Variants in RBKS observed in about 807,000 individuals in gnomAD.
RBKS encodes ribokinase.
In RBKS, 33 loss-of-function variants were observed where a neutral mutation model predicts 33.9. That is an observed-to-expected ratio of 0.97 (90% CI 0.74 to 1.30). RBKS has a LOEUF of 1.30. Ranked by LOEUF, RBKS falls within the 50% of genes most tolerant of loss-of-function variation. The pLI is 0.00. For synonymous variants in RBKS, 125 were observed against 143.0 expected (o/e 0.87, Z 0.90); for missense variants, 361 against 392.6 (o/e 0.92, Z 0.68).
intron 1 of RBKS, among the ~76,000 whole-genome samples, chr2:27,874,191 A>G (rs1664269046): frequency 6.6e-6 from 1 of 152,250 alleles, no homozygotes; most frequent in African/African-American, 2.4e-5. Flanking sequence ...AGTGATTAAA[A>G]TTGTATTCAA....
At chr2:27,808,699 G>A (rs1677936355) in intron 7 of RBKS, among the ~76,000 whole-genome samples, 1 of 152,228 alleles carries the variant, frequency 6.6e-6, no homozygotes, top group Non-Finnish European at 1.5e-5. Context: ...CTCTGGGCTG[G>A]CTGGTCAGAC....
intron 7 of RBKS, among the ~76,000 whole-genome samples, chr2:27,789,951 A>ATATATATATATATATATATG (rs1558533092): frequency 7.2e-5 from 8 of 111,400 alleles, no homozygotes; most frequent in Non-Finnish European, 1.3e-4. Context: ...GTATATGTGT[A>ATATATATATATATATATATG]TATATATATA....
intron 7 of RBKS, among the ~76,000 whole-genome samples, chr2:27,817,752 G>C (rs924622633): frequency 6.6e-6 from 1 of 152,144 alleles, no homozygotes; most frequent in African/African-American, 2.4e-5. Flanking sequence ...ATAGACGCCT[G>C]TATCATGACA....
At chr2:27,835,500 C>T (rs1573054923) in intron 5 of RBKS, among the ~76,000 whole-genome samples, 1 of 136,262 alleles carries the variant, frequency 7.3e-6, no homozygotes. Context: ...CTCACTGCAA[C>T]CTCCACCTCC....
chr2:27,864,267 C>T (rs1664044564), intron 1 of RBKS, among the ~76,000 whole-genome samples: 1 of 152,226 alleles, frequency 6.6e-6, no homozygotes, highest in East Asian at 1.9e-4. Flanking sequence ...AAGCAATCCT[C>T]CCACCTTGGC....
At chr2:27,792,503 C>T (rs1677554815) in intron 7 of RBKS, among the ~76,000 whole-genome samples, 2 of 152,208 alleles carry the variant, frequency 1.3e-5, no homozygotes, top group Non-Finnish European at 2.9e-5. Context: ...AGTCTTTTCC[C>T]TAATTAAAAG....
chr2:27,880,729 A>G (rs1311839133), intron 1 of RBKS, among the ~76,000 whole-genome samples: 1 of 152,236 alleles, frequency 6.6e-6, no homozygotes, highest in East Asian at 1.9e-4. Context: ...AATCTCTACA[A>G]TGAAAACTAC....
intron 7 of RBKS, among the ~76,000 whole-genome samples, chr2:27,793,815 T>TCC (rs1677584289): frequency 6.6e-6 from 1 of 152,062 alleles, no homozygotes; most frequent in Non-Finnish European, 1.5e-5. Flanking sequence ...TCCTGAAGTA[T>TCC]TAAGAGGTAG....
intron 1 of RBKS, among the ~76,000 whole-genome samples, chr2:27,868,783 C>A (rs558588739): frequency 2.8e-4 from 43 of 152,264 alleles, no homozygotes; most frequent in Middle Eastern, 3.4e-3. Flanking sequence ...CCTGAAAGTT[C>A]TTTCCTTTGC....
intron 2 of RBKS, among the ~76,000 whole-genome samples, chr2:27,857,530 T>C (rs1663881496): frequency 6.6e-6 from 1 of 152,224 alleles, no homozygotes; most frequent in Non-Finnish European, 1.5e-5. Flanking sequence ...CCAGATTCTT[T>C]TCAGATCTAA....
intron 7 of RBKS, among the ~76,000 whole-genome samples, chr2:27,798,548 C>T (rs1373470325): frequency 6.6e-6 from 1 of 152,106 alleles, no homozygotes; most frequent in East Asian, 1.9e-4. Flanking sequence ...CCCCCACTGC[C>T]CCAGTAATGT....
chr2:27,882,263 T>C (rs774021498), intron 1 of RBKS, among the ~76,000 whole-genome samples: 19 of 151,834 alleles, frequency 1.3e-4, no homozygotes, highest in Non-Finnish European at 2.6e-4. Context: ...GCAAAGAACA[T>C]GAACAAACAC....
intron 7 of RBKS, among the ~76,000 whole-genome samples, chr2:27,791,564 G>C (rs1677520300): frequency 1.3e-5 from 2 of 151,518 alleles, no homozygotes; most frequent in Admixed American, 1.3e-4. Flanking sequence ...TGCAGATCGT[G>C]GGCCTTCATG....
intron 1 of RBKS, among the ~76,000 whole-genome samples, chr2:27,872,754 A>G (rs1474948246): frequency 6.6e-6 from 1 of 152,174 alleles, no homozygotes; most frequent in East Asian, 1.9e-4. Context: ...TGTTAATGCA[A>G]TTCCCTAGGT....
intron 1 of RBKS, among the ~76,000 whole-genome samples, chr2:27,888,299 TG>T (rs1292302109): frequency 6.6e-6 from 1 of 152,120 alleles, no homozygotes; most frequent in African/African-American, 2.4e-5. Flanking sequence ...AGCTAATTTT[TG>T]TATTTTTAGT....
chr2:27,802,213 C>G (rs1012082323), intron 7 of RBKS, among the ~76,000 whole-genome samples: 1 of 151,240 alleles, frequency 6.6e-6, no homozygotes, highest in Non-Finnish European at 1.5e-5. Context: ...GATGGTGCTA[C>G]ACCATTCATG....
At chr2:27,882,025 A>G (rs1180169002) in intron 1 of RBKS, among the ~76,000 whole-genome samples, 1 of 152,250 alleles carries the variant, frequency 6.6e-6, no homozygotes, top group Admixed American at 6.5e-5. Context: ...TCATGGCAAA[A>G]TGCCAAAAGC....
At chr2:27,873,451 G>A (rs956626893) in intron 1 of RBKS, among the ~76,000 whole-genome samples, 2 of 152,092 alleles carry the variant, frequency 1.3e-5, no homozygotes, top group Admixed American at 1.3e-4. Flanking sequence ...TTTTCTTTAT[G>A]GTCTTGACAG....
intron 7 of RBKS, chr2:27,809,795 C>T (rs1677958748): frequency 4.3e-6 from 2 of 465,866 alleles, no homozygotes; most frequent in Admixed American, 4.0e-5. Flanking sequence ...TAATACAGAG[C>T]TACCAGATTA....
Sources: gnomAD v4.1 joint callset for allele counts (sites outside exome capture counted in the v4.1 genomes callset) on GRCh38, gnomAD v4.1.1 for gene constraint, MANE v1.5 for transcripts, NCBI Gene and HGNC (gene_info 2026-07-23, HGNC 2026-07-21) for gene names.